The following NKAIN3 variants were observed in gnomAD, a reference collection of about 807,000 sequenced individuals.
The protein encoded by NKAIN3 is sodium/potassium-transporting ATPase subunit beta-1-interacting protein 3.
Under a neutral mutation model 30.2 loss-of-function variants are expected in NKAIN3, and 25 were observed. The observed-to-expected ratio is 0.83, with a 90% CI of 0.60 to 1.16. The LOEUF is 1.16. Among genes scored for constraint, NKAIN3 ranks in the 50% most tolerant of loss-of-function variants. NKAIN3 has a pLI of 0.00. For synonymous variants in NKAIN3, 91 were observed against 89.6 expected (o/e 1.02, Z -0.09); for missense variants, 225 against 254.1 (o/e 0.89, Z 0.78).
At chr8:62,712,550 C>G (rs1814756567) in intron 3 of NKAIN3, among the ~76,000 whole-genome samples, 1 of 152,076 alleles carries the variant, frequency 6.6e-6, no homozygotes, top group Admixed American at 6.6e-5. Flanking sequence ...TCACCCAGCT[C>G]CCACACAAAC....
chr8:62,384,048 T>C (rs1398428441), intron 1 of NKAIN3, among the ~76,000 whole-genome samples: 3 of 152,180 alleles, frequency 2.0e-5, no homozygotes, highest in Non-Finnish European at 4.4e-5. Flanking sequence ...GCGTCACTCA[T>C]GGCACTTTGT....
In NKAIN3 at chr8:62,973,160, G is replaced by A. The variant is rs1183846672; in HGVS notation, c.*7753G>A. On this transcript the variant is annotated 3_prime_UTR_variant, in exon 7 of 7. Coordinates refer to ENST00000623646, the MANE Select transcript of NKAIN3 (RefSeq NM_001304533.3). Reference sequence around the variant, plus strand: ...AGTGCATGTGTCATTATAGTAGAATGATTTATAATCCTTTGGGTATACACC... The same window carrying A: ...AGTGCATGTGTCATTATAGTAGAATAATTTATAATCCTTTGGGTATACACC... Among the ~76,000 whole-genome samples, 1 of 152,176 alleles carries A rather than the reference G, an allele frequency of 6.6e-6. No homozygotes were observed. Among genetic ancestry groups the A allele is most frequent in the Non-Finnish European group, 1.5e-5 (1 of 68,050 alleles).
chr8:62,485,142 G>C (rs1301633680), intron 1 of NKAIN3, among the ~76,000 whole-genome samples: 4 of 152,048 alleles, frequency 2.6e-5, no homozygotes, highest in African/African-American at 9.7e-5. Flanking sequence ...TTTTCATGAT[G>C]TATGCTAAAT....
chr8:62,398,906 A>G (rs1365738437), intron 1 of NKAIN3, among the ~76,000 whole-genome samples: 3 of 152,210 alleles, frequency 2.0e-5, no homozygotes, highest in African/African-American at 7.2e-5. Context: ...CCTGGCTAGC[A>G]TGGTGAAACC....
chr8:62,900,816 G>A (rs969782309), intron 4 of NKAIN3, among the ~76,000 whole-genome samples: 9 of 152,164 alleles, frequency 5.9e-5, no homozygotes, highest in African/African-American at 1.9e-4. Flanking sequence ...AAAGGTAAAA[G>A]TTAAACTGAG....
At chr8:62,713,413 T>C (rs1443774163) in intron 3 of NKAIN3, among the ~76,000 whole-genome samples, 1 of 152,238 alleles carries the variant, frequency 6.6e-6, no homozygotes. Context: ...AAATTAAATG[T>C]CTCTTTCCTC....
At chr8:62,399,031 C>T (rs992803667) in intron 1 of NKAIN3, among the ~76,000 whole-genome samples, 5 of 152,140 alleles carry the variant, frequency 3.3e-5, no homozygotes, top group African/African-American at 1.2e-4. Context: ...GCAGAGGTTG[C>T]AGTGAGCCAA....
At chr8:62,910,431 A>T (rs540730851) in intron 4 of NKAIN3, among the ~76,000 whole-genome samples, 165 of 152,284 alleles carry the variant, frequency 1.1e-3, no homozygotes, top group Middle Eastern at 6.8e-3. Flanking sequence ...TACTTGAAGG[A>T]TAAAATGAAG....
intron 4 of NKAIN3, among the ~76,000 whole-genome samples, chr8:62,818,484 T>C (rs1818754403): frequency 6.6e-6 from 1 of 152,164 alleles, no homozygotes; most frequent in African/African-American, 2.4e-5. Flanking sequence ...TTATTTTATC[T>C]CCTTTCCTAG....
intron 1 of NKAIN3, among the ~76,000 whole-genome samples, chr8:62,288,758 G>A (rs7843424): frequency 0.062 from 9,454 of 152,208 alleles, 974 homozygotes; most frequent in African/African-American, 0.21. Context: ...TATATGCCCA[G>A]TAATAGGATG....
chr8:62,305,859 C>T (rs1814220532), intron 1 of NKAIN3, among the ~76,000 whole-genome samples: 1 of 150,182 alleles, frequency 6.7e-6, no homozygotes, highest in Admixed American at 6.6e-5. Context: ...AGGAGTTTGA[C>T]CTGTGAGTCC....
chr8:62,363,625 T>G (rs1376105093), intron 1 of NKAIN3, among the ~76,000 whole-genome samples: 2 of 152,120 alleles, frequency 1.3e-5, no homozygotes, highest in South Asian at 4.2e-4. Context: ...AATATATTAT[T>G]CAAAAATTAC....
At chr8:62,669,599 A>G (rs527402979) in intron 3 of NKAIN3, among the ~76,000 whole-genome samples, 5 of 152,334 alleles carry the variant, frequency 3.3e-5, no homozygotes, top group African/African-American at 1.2e-4. Flanking sequence ...ACACAAAAAA[A>G]ACAGTACAAA....
chr8:62,863,788 C>A, intron 4 of NKAIN3: 2 of 1,611,364 alleles, frequency 1.2e-6, no homozygotes, highest in Non-Finnish European at 1.7e-6. Context: ...AGAAGTGCCC[C>A]CATCCAAGCT....
intron 1 of NKAIN3, among the ~76,000 whole-genome samples, chr8:62,331,440 G>A (rs1307173874): frequency 6.6e-6 from 1 of 152,054 alleles, no homozygotes; most frequent in African/African-American, 2.4e-5. Context: ...CTCCTTGAAG[G>A]CAGGGACCAC....
chr8:62,938,037 G>T (rs989173881), intron 5 of NKAIN3, among the ~76,000 whole-genome samples: 13 of 152,020 alleles, frequency 8.6e-5, no homozygotes, highest in Non-Finnish European at 1.8e-4. Flanking sequence ...CCCCACAGCA[G>T]CCATGGAAAG....
intron 3 of NKAIN3, among the ~76,000 whole-genome samples, chr8:62,679,653 T>C (rs756702332): frequency 6.6e-6 from 1 of 152,048 alleles, no homozygotes; most frequent in Non-Finnish European, 1.5e-5. Context: ...AGACACATCT[T>C]ACATGGCCAG....
At chr8:62,530,105 G>T (rs749693570) in intron 1 of NKAIN3, among the ~76,000 whole-genome samples, 1 of 152,062 alleles carries the variant, frequency 6.6e-6, no homozygotes, top group African/African-American at 2.4e-5. Flanking sequence ...AGAAACAAAG[G>T]GGACAACAGT....
intron 4 of NKAIN3, among the ~76,000 whole-genome samples, chr8:62,794,952 C>T (rs1051203328): frequency 2.6e-5 from 4 of 152,134 alleles, no homozygotes; most frequent in African/African-American, 9.7e-5. Context: ...CATCTATGAT[C>T]TTTCCATCCC....
Sources: allele counts gnomAD v4.1 joint callset (sites outside exome capture counted in the v4.1 genomes callset), GRCh38; gene constraint gnomAD v4.1.1; transcripts MANE v1.5; gene names NCBI Gene and HGNC (gene_info 2026-07-23, HGNC 2026-07-21).